The following DNAJC8 variants were observed in gnomAD, a reference collection of about 807,000 sequenced individuals.
DNAJC8 encodes dnaJ homolog subfamily C member 8.
DNAJC8 carries 24 observed loss-of-function variants against 43.2 expected under a neutral mutation model. That is an observed-to-expected ratio of 0.56 (90% CI 0.40 to 0.78). DNAJC8 has a LOEUF of 0.78. Ranked by LOEUF, DNAJC8 falls within the 30% of genes least tolerant of loss-of-function variation. The pLI, the probability that DNAJC8 is intolerant of heterozygous loss-of-function variation, is 0.00. For synonymous variants in DNAJC8, 83 were observed against 98.0 expected, an observed-to-expected ratio of 0.85 and a Z score of 0.90; for missense variants, 207 against 299.4, an observed-to-expected ratio of 0.69 and a Z score of 2.28.
chr1:28,212,142 C>G (rs1223834809), intron 3 of DNAJC8, among the ~76,000 whole-genome samples: 1 of 120,686 alleles, frequency 8.3e-6, no homozygotes, highest in Non-Finnish European at 1.6e-5. Context: ...GGTGACAGAG[C>G]CGGACTCCGT....
At chr1:28,202,772 C>T (rs1469507894) in intron 8 of DNAJC8, among the ~76,000 whole-genome samples, 3 of 150,690 alleles carry the variant, frequency 2.0e-5, no homozygotes, top group African/African-American at 7.3e-5. Flanking sequence ...TTAGTAGAGA[C>T]AGGGTTTCAC....
chr1:28,218,290 T>C (rs935102972), intron 2 of DNAJC8, among the ~76,000 whole-genome samples: 2 of 151,862 alleles, frequency 1.3e-5, no homozygotes, highest in African/African-American at 2.4e-5. Flanking sequence ...AGACGGGGTT[T>C]CTCCATGTTG....
In DNAJC8 at chr1:28,215,291, C is replaced by T. The variant is rs577208014; in HGVS notation, c.181-295G>A. 2.0e-5 allele frequency among the ~76,000 whole-genome samples: 3 copies of T among 152,118 alleles called. No homozygotes were observed. The South Asian group carries it at 6.2e-4, about 32-fold the overall frequency. ...TTTTACATGAGAAAATTTTGCATTT[C>T]TCCTTCATTCATTAAAAGAGTTTAA... On this transcript the variant is annotated intron_variant, in intron 2 of 8. Transcript: ENST00000263697.
At chr1:28,206,893 T>C (rs758568380) in intron 6 of DNAJC8, among the ~76,000 whole-genome samples, 1 of 152,174 alleles carries the variant, frequency 6.6e-6, no homozygotes, top group African/African-American at 2.4e-5. Flanking sequence ...AAAGCAATGC[T>C]TCAACCCCAG....
intron 2 of DNAJC8, among the ~76,000 whole-genome samples, chr1:28,223,212 G>C (rs572742660): frequency 1.3e-5 from 2 of 152,326 alleles, no homozygotes; most frequent in African/African-American, 4.8e-5. Flanking sequence ...TGTGGAGCCA[G>C]ACCCCGAGTA....
At chr1:28,226,751 A>G (rs145728636) in intron 2 of DNAJC8, among the ~76,000 whole-genome samples, 1 of 151,460 alleles carries the variant, frequency 6.6e-6, no homozygotes, top group African/African-American at 2.4e-5. Flanking sequence ...AAATTTATGC[A>G]CAAATCTACA....
chr1:28,201,485 A>G lies in DNAJC8; in HGVS notation c.640-115T>C. ...CCAGCCCACTTCAGTCCTCTGGAAT[A>G]ACCCAAGAGTAGAATAGAGCTGGCC... is the stretch of plus-strand genomic sequence containing the variant. On this transcript the variant is annotated intron_variant, in intron 8 of 8. Transcript: ENST00000263697. 3 of 1,495,148 alleles carry G rather than the reference A, an allele frequency of 2.0e-6. No homozygotes were observed. The Admixed American group carries it at 5.7e-5, about 28-fold the overall frequency. 92.6% of individuals were successfully genotyped at this position (1,495,148 alleles called of 1,614,324 possible).
intron 1 of DNAJC8, 124 bp downstream of exon 1, chr1:28,232,797 C>A (rs763853497): frequency 1.3e-4 from 128 of 1,014,980 alleles, no homozygotes; most frequent in Admixed American, 4.0e-4. Context: ...ACCCCCGCCA[C>A]CCCGAAGACT....
intron 3 of DNAJC8, among the ~76,000 whole-genome samples, chr1:28,212,728 G>A (rs1245811024): frequency 6.6e-6 from 1 of 152,098 alleles, no homozygotes; most frequent in Non-Finnish European, 1.5e-5. Flanking sequence ...ACTATGTCGG[G>A]GAATGAGAAC....
chr1:28,215,827 G>A (rs183814000), intron 2 of DNAJC8, among the ~76,000 whole-genome samples: 54 of 151,218 alleles, frequency 3.6e-4, no homozygotes, highest in Non-Finnish European at 2.2e-4. Flanking sequence ...GTGAGCCACC[G>A]CGCCCAGCCT....
At chr1:28,223,331 AG>A (rs1429419436) in intron 2 of DNAJC8, among the ~76,000 whole-genome samples, 1 of 152,120 alleles carries the variant, frequency 6.6e-6, no homozygotes, top group Admixed American at 6.6e-5. Context: ...GGGATGCTGG[AG>A]CCCATGATCA....
intron 3 of DNAJC8, among the ~76,000 whole-genome samples, chr1:28,211,768 T>G (rs1384589660): frequency 1.3e-5 from 2 of 152,116 alleles, no homozygotes; most frequent in East Asian, 3.9e-4. Context: ...AATGTCCTTT[T>G]TTTGGGAAGG....
intron 2 of DNAJC8, among the ~76,000 whole-genome samples, chr1:28,226,718 T>C (rs1445893206): frequency 6.6e-6 from 1 of 151,240 alleles, no homozygotes; most frequent in East Asian, 1.9e-4. Flanking sequence ...GAGTGATTGC[T>C]GTGGTTTGGA....
At chr1:28,203,881 C>T in intron 7 of DNAJC8, 59 bp from the exon 8 acceptor site, 1 of 1,547,536 alleles carries the variant, frequency 6.5e-7, no homozygotes. Flanking sequence ...ATTAACCATA[C>T]AAGGTGGCAT....
intron 6 of DNAJC8, among the ~76,000 whole-genome samples, chr1:28,205,690 C>T (rs1646763856): frequency 6.6e-6 from 1 of 152,170 alleles, no homozygotes; most frequent in African/African-American, 2.4e-5. Flanking sequence ...GAGTTCAAGA[C>T]CAGCCTGGCC....
intron 3 of DNAJC8, among the ~76,000 whole-genome samples, chr1:28,214,617 G>A (rs1317854375): frequency 6.6e-6 from 1 of 152,140 alleles, no homozygotes; most frequent in Non-Finnish European, 1.5e-5. Flanking sequence ...CATTTGATAT[G>A]TTCCCTCCTA....
intron 6 of DNAJC8, among the ~76,000 whole-genome samples, chr1:28,205,559 G>A (rs1289081053): frequency 6.6e-6 from 1 of 152,164 alleles, no homozygotes; most frequent in Non-Finnish European, 1.5e-5. Flanking sequence ...TGGCAACATA[G>A]TGAAACTCTA....
At chr1:28,222,933 C>T (rs1451662947) in intron 2 of DNAJC8, among the ~76,000 whole-genome samples, 3 of 152,054 alleles carry the variant, frequency 2.0e-5, no homozygotes, top group Non-Finnish European at 4.4e-5. Flanking sequence ...ATATCAGGGC[C>T]CAAGAGGGAT....
rs116647609 is a variant in DNAJC8, at chr1:28,223,074, G to A, written c.180+5848C>T. Among the ~76,000 whole-genome samples, 499 of 152,166 alleles carry A rather than the reference G, an allele frequency of 3.3e-3. 3 individuals are homozygous for A. Among genetic ancestry groups the A allele is most frequent in the Non-Finnish European group, 5.9e-3 (401 of 68,022 alleles). ...ACCCAAGCAAGGACATTCCCACAAA[G>A]GGCAGCCAAGCATGGGGTATGGAAG... On this transcript the variant is annotated intron_variant, in intron 2 of 8. Transcript: ENST00000263697.
Sources: gnomAD v4.1 joint callset for allele counts (sites outside exome capture counted in the v4.1 genomes callset) on GRCh38, gnomAD v4.1.1 for gene constraint, MANE v1.5 for transcripts, NCBI Gene and HGNC (gene_info 2026-07-23, HGNC 2026-07-21) for gene names.